The following XRCC4 variants were observed in gnomAD, a reference collection of about 807,000 sequenced individuals.
XRCC4 encodes the protein DNA repair protein XRCC4.
A neutral mutation model predicts 39.1 loss-of-function variants in XRCC4; 28 were observed. The ratio of observed to expected loss-of-function variants is 0.72; its 90% CI spans 0.53 to 0.98. The LOEUF is 0.98. Among genes scored for constraint, XRCC4 ranks in the 50% least tolerant of loss-of-function variants. The pLI, the probability that XRCC4 is intolerant of heterozygous loss-of-function variation, is 0.00. For synonymous variants in XRCC4, 123 were observed against 126.4 expected, an observed-to-expected ratio of 0.97 and a Z score of 0.18; for missense variants, 350 against 376.4, an observed-to-expected ratio of 0.93 and a Z score of 0.58.
intron 3 of XRCC4, among the ~76,000 whole-genome samples, chr5:83,161,262 C>G (rs904656783): frequency 5.9e-5 from 9 of 152,054 alleles, no homozygotes; most frequent in African/African-American, 2.2e-4. Context: ...GGGCACCCAC[C>G]ACCACACTTG....
At chr5:83,175,268 A>G (rs941988652) in intron 3 of XRCC4, among the ~76,000 whole-genome samples, 34 of 152,304 alleles carry the variant, frequency 2.2e-4, no homozygotes, top group Non-Finnish European at 3.4e-4. Context: ...GTAGTAGAAT[A>G]CATTATGGTA....
intron 7 of XRCC4, among the ~76,000 whole-genome samples, chr5:83,272,420 A>G (rs1754174101): frequency 6.6e-6 from 1 of 152,096 alleles, no homozygotes; most frequent in East Asian, 1.9e-4. Flanking sequence ...ATTATTATGT[A>G]TTATACTTTA....
At chr5:83,302,925 AT>A in intron 7 of XRCC4, among the ~76,000 whole-genome samples, 1 of 152,192 alleles carries the variant, frequency 6.6e-6, no homozygotes, top group African/African-American at 2.4e-5. Context: ...AGTACAAAAG[AT>A]GTCAGGCCGG....
In XRCC4 at chr5:83,094,175, T is replaced by C. The variant is rs1406927275; in HGVS notation, c.-10-10735T>C. On this transcript the variant is annotated intron_variant, in intron 1 of 7. Transcript: ENST00000396027. ...CCTTCTGATTAGGGAACTTTTCATT[T>C]GTTATTTCTTTAAATATGCATCTAC... 5.9e-5 allele frequency among the ~76,000 whole-genome samples: 9 copies of C among 152,308 alleles called. No individual in the cohort carries two copies. The East Asian group carries it at 1.5e-3, about 26-fold the overall frequency.
At chr5:83,234,983 T>G (rs1295599559) in intron 6 of XRCC4, among the ~76,000 whole-genome samples, 1 of 151,216 alleles carries the variant, frequency 6.6e-6, no homozygotes, top group Non-Finnish European at 1.5e-5. Context: ...AACATTAGCT[T>G]TTATCGCATT....
chr5:83,140,894 T>A (rs1748138724), intron 3 of XRCC4, among the ~76,000 whole-genome samples: 1 of 152,214 alleles, frequency 6.6e-6, no homozygotes, highest in Admixed American at 6.5e-5. Flanking sequence ...ACTGCACTCT[T>A]ACCCTACTAC....
At chr5:83,369,763 T>C in the XRCC4 span, among the ~76,000 whole-genome samples, 1 of 152,206 alleles carries the variant, frequency 6.6e-6, no homozygotes, top group Non-Finnish European at 1.5e-5. Flanking sequence ...TTTGGGTATA[T>C]ACCCAGTAAT....
chr5:83,325,115 A>G (rs559887282), intron 7 of XRCC4, among the ~76,000 whole-genome samples: 9 of 152,182 alleles, frequency 5.9e-5, no homozygotes, highest in African/African-American at 2.2e-4. Context: ...CCCTTTTGCA[A>G]TGAGGCTGGA....
chr5:83,217,042 AACAC>A (rs146441778), intron 6 of XRCC4, among the ~76,000 whole-genome samples: 1 of 151,264 alleles, frequency 6.6e-6, no homozygotes, highest in Non-Finnish European at 1.5e-5. Context: ...GATATTTCAA[AACAC>A]ACACACACAC....
intron 3 of XRCC4, among the ~76,000 whole-genome samples, chr5:83,173,889 TAAG>T (rs751029772): frequency 6.6e-5 from 10 of 152,306 alleles, no homozygotes; most frequent in Admixed American, 1.3e-4. Flanking sequence ...ACAAGTCTCT[TAAG>T]AAGCAGTCAG....
chr5:83,291,368 C>G (rs112449554), intron 7 of XRCC4, among the ~76,000 whole-genome samples: 2 of 151,742 alleles, frequency 1.3e-5, no homozygotes, highest in Non-Finnish European at 2.9e-5. Flanking sequence ...ACAATCCACA[C>G]TGAGATTATT....
intron 3 of XRCC4, among the ~76,000 whole-genome samples, chr5:83,179,136 G>A (rs1052080294): frequency 2.0e-5 from 3 of 152,106 alleles, no homozygotes; most frequent in Admixed American, 6.5e-5. Flanking sequence ...TCTCCTTCTG[G>A]TTAATGTGTC....
At chr5:83,350,198 G>A (rs1023068082) in intron 7 of XRCC4, among the ~76,000 whole-genome samples, 14 of 152,140 alleles carry the variant, frequency 9.2e-5, no homozygotes, top group African/African-American at 3.4e-4. Context: ...TGTCTTTGCT[G>A]TTGTGAATAG....
At chr5:83,151,972 C>T (rs1025396028) in intron 3 of XRCC4, among the ~76,000 whole-genome samples, 7 of 152,176 alleles carry the variant, frequency 4.6e-5, no homozygotes, top group African/African-American at 1.2e-4. Context: ...GGGACTTTAG[C>T]CCCAAGAAGT....
At chr5:83,180,773 A>T (rs1350360762) in intron 3 of XRCC4, among the ~76,000 whole-genome samples, 1 of 152,166 alleles carries the variant, frequency 6.6e-6, no homozygotes, top group African/African-American at 2.4e-5. Context: ...TGGAGTATTG[A>T]TGAGCTATGT....
At chr5:83,092,915 C>A (rs1324090070) in intron 1 of XRCC4, among the ~76,000 whole-genome samples, 1 of 151,898 alleles carries the variant, frequency 6.6e-6, no homozygotes. Flanking sequence ...AAATAATTAA[C>A]AAAATGGCGA....
intron 6 of XRCC4, among the ~76,000 whole-genome samples, chr5:83,231,029 A>C (rs149645733): frequency 7.6e-4 from 116 of 152,132 alleles, no homozygotes; most frequent in African/African-American, 2.6e-3. Flanking sequence ...TTTCAGTGTC[A>C]GGATTATGAA....
chr5:83,321,978 A>T, intron 7 of XRCC4, among the ~76,000 whole-genome samples: 1 of 150,350 alleles, frequency 6.7e-6, no homozygotes, highest in South Asian at 2.1e-4. Context: ...ACTATCTAGT[A>T]TGTATCATTT....
rs1746123568 is a variant in XRCC4, at chr5:83,104,936, G to A, written c.17G>A (p.Ser6Asn). The A allele has an allele frequency of 6.2e-7, 1 of 1,613,110 alleles. No individual in the cohort carries two copies. The highest frequency in any genetic ancestry group is 1.3e-5 in the African/African-American group (1 of 74,968). ...TATTAAGAAATGGAGAGAAAAATAA[G>A]CAGAATCCACCTTGTTTCTGAACCC... The part of the protein sequence containing the change: MERKI[S>N]RIHLVSEPSI... Residue 6 changes from serine (S) to asparagine (N), a missense_variant, in exon 2 of 8, where the codon AGC (serine) becomes AAC (asparagine). Physicochemically the swap from Ser to Asn is conservative, Grantham distance 46. Coordinates refer to ENST00000396027, the MANE Select transcript of XRCC4 (RefSeq NM_003401.5).
Sources: allele counts gnomAD v4.1 joint callset (sites outside exome capture counted in the v4.1 genomes callset), GRCh38; gene constraint gnomAD v4.1.1; transcripts MANE v1.5; gene names NCBI Gene and HGNC (gene_info 2026-07-23, HGNC 2026-07-21).